The following CHRDL2 variants were observed in gnomAD, a reference collection of about 807,000 sequenced individuals.
The protein encoded by CHRDL2 is chordin-like protein 2.
Under a neutral mutation model 54.3 loss-of-function variants are expected in CHRDL2, and 41 were observed. The ratio of observed to expected loss-of-function variants is 0.76; its 90% CI spans 0.59 to 0.98. CHRDL2 has a LOEUF of 0.98. Ranked by LOEUF, CHRDL2 falls within the 50% of genes least tolerant of loss-of-function variation. The probability of loss-of-function intolerance (pLI) is 0.00; values close to 1 mark genes in which losing one functional copy is unlikely to be tolerated. For missense variants in CHRDL2, 518 were observed against 562.4 expected (o/e 0.92, Z 0.80); for synonymous variants, 220 against 224.3 (o/e 0.98, Z 0.17).
chr11:74,713,634 C>G (rs941741132), intron 2 of CHRDL2, among the ~76,000 whole-genome samples, 155 bp from the exon 3 acceptor site: 1 of 152,196 alleles, frequency 6.6e-6, no homozygotes, highest in Non-Finnish European at 1.5e-5. Flanking sequence ...CGGTTCCTCC[C>G]CATTCCTGCC....
intron 1 of CHRDL2, among the ~76,000 whole-genome samples, chr11:74,728,897 T>A (rs1340578754): frequency 6.6e-6 from 1 of 152,154 alleles, no homozygotes; most frequent in East Asian, 1.9e-4. Flanking sequence ...TTTTCTCACA[T>A]GTCTGGAGAT....
chr11:74,727,660 C>T (rs1565160697), intron 1 of CHRDL2, among the ~76,000 whole-genome samples: 1 of 152,112 alleles, frequency 6.6e-6, no homozygotes, highest in African/African-American at 2.4e-5. Context: ...CCACCTCGGC[C>T]TTTCAAAGTG....
chr11:74,719,767 C>T (rs1178122107), intron 1 of CHRDL2, among the ~76,000 whole-genome samples: 1 of 152,170 alleles, frequency 6.6e-6, no homozygotes, highest in Admixed American at 6.5e-5. Flanking sequence ...CATGGGTTGG[C>T]TATCTCTCCT....
intron 1 of CHRDL2, chr11:74,719,381 TACACAC>T (rs5792667): frequency 0.078 from 5,996 of 76,436 alleles, 266 homozygotes; most frequent in Middle Eastern, 0.21. Flanking sequence ...CCCTCCCCTG[TACACAC>T]ACACACACAC....
chr11:74,697,662 T>C lies in CHRDL2; in HGVS notation c.1121-365A>G, dbSNP rs986566666. 20 of 459,398 alleles carry C rather than the reference T, an allele frequency of 4.4e-5. No individual in the cohort carries two copies. The East Asian group carries it at 1.4e-3, about 31-fold the overall frequency. 28.5% of individuals were successfully genotyped at this position (459,398 alleles called of 1,614,324 possible). On this transcript the variant is annotated intron_variant, in intron 9 of 10. Coordinates refer to ENST00000376332, the MANE Select transcript of CHRDL2 (RefSeq NM_001278473.3). Reference sequence around the variant, plus strand: ...ACAGTGAAGCCTGTTTTCTTCTGTCTGTTCTCTTTGCTGATCCTGCTCCTG... The same window carrying C: ...ACAGTGAAGCCTGTTTTCTTCTGTCCGTTCTCTTTGCTGATCCTGCTCCTG...
intron 1 of CHRDL2, among the ~76,000 whole-genome samples, chr11:74,729,850 G>A (rs959229127): frequency 1.3e-5 from 2 of 152,154 alleles, no homozygotes; most frequent in East Asian, 1.9e-4. Flanking sequence ...GGCATGGGGA[G>A]GGGGGACCAC....
Position 74,730,950 on chromosome 11 carries a change from G to A in CHRDL2, c.-62C>T. ...AGTCGGGAGGAAGGGAGACGAAAAG[G>A]ACACGGAGGCACAGGGGCCACAGAT... On this transcript the variant is annotated 5_prime_UTR_variant, in exon 1 of 11. Transcript: ENST00000376332. 1.4e-6 allele frequency: 2 copies of A among 1,401,054 alleles called. No homozygotes were observed. The highest frequency in any genetic ancestry group is 9.8e-7 in the Non-Finnish European group (1 of 1,016,152). 86.8% of individuals were successfully genotyped at this position (1,401,054 alleles called of 1,614,324 possible).
At position 74,722,953 on chromosome 11, in the gene CHRDL2, T is replaced by C. The variant is rs80169672; in HGVS notation, c.83-4121A>G. Among the ~76,000 whole-genome samples, 83 of 152,110 alleles carry C rather than the reference T, an allele frequency of 5.5e-4. 1 individual carries two copies. In the East Asian group the frequency reaches 0.016, roughly 29 times the overall value. On this transcript the variant is annotated intron_variant, in intron 1 of 10. Transcript: ENST00000376332. ...GAGCCTGAGAGGCAAAGGAAAGCCA[T>C]GGAAAAGCTTTAAACTGGGGAGTTC... is the stretch of plus-strand genomic sequence containing the variant.
chr11:74,711,113 G>C, intron 3 of CHRDL2, 122 bp from the exon 4 acceptor site: 1 of 1,152,314 alleles, frequency 8.7e-7, no homozygotes, highest in Non-Finnish European at 1.2e-6. Flanking sequence ...TTTAAACCAA[G>C]CTCTGGCCTG....
Position 74,731,039 on chromosome 11 carries a change from G to A in CHRDL2, c.-151C>T. 1.6e-6 allele frequency: 1 copy of A among 625,724 alleles called. No homozygotes were observed. Among genetic ancestry groups the A allele is most frequent in the Non-Finnish European group, 2.8e-6 (1 of 355,074 alleles). The allele number at this position is 625,724 out of a possible 1,614,324, so 38.8% of individuals were successfully genotyped here. On this transcript the variant is annotated 5_prime_UTR_variant, in exon 1 of 11. Coordinates refer to ENST00000376332, the MANE Select transcript of CHRDL2 (RefSeq NM_001278473.3). The surrounding 1 kb of genome is among the most constrained non-coding windows in gnomAD (Gnocchi z 4.4). ...GTCGGAGAAGGGCCAGGAAGCAGCG[G>A]TGGGCAGGAAAGGAGGGCAGGAAGG...
At chr11:74,709,649 C>T (rs1448403657) in intron 4 of CHRDL2, among the ~76,000 whole-genome samples, 1 of 152,186 alleles carries the variant, frequency 6.6e-6, no homozygotes, top group Non-Finnish European at 1.5e-5. Context: ...GATTCAAAGA[C>T]TCAGACTGAT....
In CHRDL2 at chr11:74,710,959, G is replaced by T. The variant is rs2034173677; in HGVS notation, c.322C>A (p.Pro108Thr). Reference sequence around the variant, plus strand: ...GTCCCGTTGTGCTGGCAGGACTTTGGTGGGGCCCGGAGTCCAGAGGGAGTG... The same window carrying T: ...GTCCCGTTGTGCTGGCAGGACTTTGTTGGGGCCCGGAGTCCAGAGGGAGTG... ...PHTPSGLRAPPKSCQHNGTMY... is the reference protein window; with the variant it reads ...PHTPSGLRAPTKSCQHNGTMY... The change falls in exon 4 of 11, where the codon CCA (proline) becomes ACA (threonine). Residue 108 changes from proline to threonine, a missense_variant. Pro to Thr is a conservative substitution (Grantham distance 38, BLOSUM62 -1). Transcript: ENST00000376332. 6.2e-7 allele frequency: 1 copy of T among 1,614,046 alleles called. No individual in the cohort carries two copies. The highest frequency in any genetic ancestry group is 1.1e-5 in the South Asian group (1 of 91,072).
intron 2 of CHRDL2, among the ~76,000 whole-genome samples, chr11:74,717,306 G>C (rs1294822135): frequency 2.0e-5 from 3 of 152,144 alleles, no homozygotes; most frequent in Non-Finnish European, 4.4e-5. Context: ...AAAGTCCTCT[G>C]GGTTGAGGAA....
intron 10 of CHRDL2, 40 bp from the exon 11 acceptor site, chr11:74,696,625 T>A: frequency 6.8e-7 from 1 of 1,460,698 alleles, no homozygotes; most frequent in Non-Finnish European, 9.6e-7. Flanking sequence ...GGCGTATGTG[T>A]CTGCACGTGC....
chr11:74,703,635 CATAGGCCAGGGTATA>C (rs1344760841), intron 7 of CHRDL2, 136 bp from the exon 8 acceptor site: 44 of 708,092 alleles, frequency 6.2e-5, no homozygotes, highest in Non-Finnish European at 9.4e-5. Flanking sequence ...GCCTGCAAAG[CATAGGCCAGGGTATA>C]AAACCTGTCC....
intron 1 of CHRDL2, among the ~76,000 whole-genome samples, chr11:74,727,358 G>A (rs968633824): frequency 6.6e-5 from 10 of 152,066 alleles, no homozygotes; most frequent in Admixed American, 3.3e-4. Context: ...ACCTGGGAAC[G>A]AAAGCTTCGA....
intron 2 of CHRDL2, among the ~76,000 whole-genome samples, chr11:74,717,062 C>G (rs1275956060): frequency 1.3e-5 from 2 of 152,174 alleles, no homozygotes; most frequent in Non-Finnish European, 2.9e-5. Flanking sequence ...CCACTGCACT[C>G]CAGCCTGGGT....
chr11:74,727,672 T>C (rs2034592778), intron 1 of CHRDL2, among the ~76,000 whole-genome samples: 1 of 152,098 alleles, frequency 6.6e-6, no homozygotes, highest in African/African-American at 2.4e-5. Flanking sequence ...TTCAAAGTGC[T>C]GAGATTACAG....
intron 1 of CHRDL2, among the ~76,000 whole-genome samples, chr11:74,728,549 GTTT>G (rs765480823): frequency 1.4e-5 from 2 of 139,988 alleles, no homozygotes; most frequent in Non-Finnish European, 3.1e-5. Context: ...TGTTGTTGTT[GTTT>G]TTTAAGAGAT....
Sources: allele counts gnomAD v4.1 joint callset (sites outside exome capture counted in the v4.1 genomes callset), GRCh38; gene constraint gnomAD v4.1.1; non-coding constraint Gnocchi (gnomAD v3.1); transcripts MANE v1.5; gene names NCBI Gene and HGNC (gene_info 2026-07-23, HGNC 2026-07-21).